The following CBLN2 variants were observed in gnomAD, a reference collection of about 807,000 sequenced individuals.
CBLN2 encodes cerebellin 2 precursor, also known as cerebellin-2.
CBLN2 carries 7 observed loss-of-function variants against 15.0 expected under a neutral mutation model. The ratio of observed to expected loss-of-function variants is 0.47; its 90% confidence interval spans 0.27 to 0.88. CBLN2 has a LOEUF of 0.88. Ranked by LOEUF, CBLN2 falls within the 40% of genes least tolerant of loss-of-function variation. CBLN2 has a pLI of 0.14. For missense variants in CBLN2, 242 were observed against 304.5 expected (o/e 0.79, Z 1.53); for synonymous variants, 149 against 135.2 (o/e 1.10, Z -0.71).
chr18:72,627,220 G>C (rs578206076), intron 1 of CBLN2, among the ~76,000 whole-genome samples: 1 of 152,284 alleles, frequency 6.6e-6, no homozygotes, highest in East Asian at 1.9e-4. Flanking sequence ...ATCAATAGCA[G>C]AATGGATAAA....
chr18:72,546,789 A>G (rs1376772798), upstream of CBLN2, among the ~76,000 whole-genome samples: 1 of 152,196 alleles, frequency 6.6e-6, no homozygotes, highest in Non-Finnish European at 1.5e-5. Context: ...ACATATTCTA[A>G]TATTAGGGAA....
intron 1 of CBLN2, among the ~76,000 whole-genome samples, chr18:72,631,670 A>T (rs1198794616): frequency 6.6e-6 from 1 of 152,108 alleles, no homozygotes; most frequent in African/African-American, 2.4e-5. Context: ...TTAGAATCTC[A>T]GGACCTTTGT....
intron 1 of CBLN2, among the ~76,000 whole-genome samples, chr18:72,637,712 G>A (rs768029985): frequency 2.0e-5 from 3 of 150,088 alleles, no homozygotes; most frequent in Non-Finnish European, 4.5e-5. Flanking sequence ...CAGGCACCAC[G>A]ATTACCCAGA....
At chr18:72,599,365 C>T (rs1239588635) in intron 1 of CBLN2, among the ~76,000 whole-genome samples, 1 of 152,072 alleles carries the variant, frequency 6.6e-6, no homozygotes, top group Non-Finnish European at 1.5e-5. Context: ...GGTGGTAATA[C>T]AAAAATGGAT....
Position 72,558,079 on chromosome 18 carries a change from C to G in CBLN2, c.16-19307G>C, listed in dbSNP as rs753991397. 9.5e-4 allele frequency among the ~76,000 whole-genome samples: 144 copies of G among 152,170 alleles called. 1 individual carries two copies. Among genetic ancestry groups the G allele is most frequent in the East Asian group, 1.6e-3 (8 of 5,158 alleles). On this transcript the variant is annotated intron_variant, in intron 1 of 2. Transcript: ENST00000581073. ...AGCAGAGTCATACAGAGGTGAACAC[C>G]CAGGTCTTCCCTAATGAATGTAGGA... is the stretch of plus-strand genomic sequence containing the variant.
intron 1 of CBLN2, among the ~76,000 whole-genome samples, chr18:72,631,536 T>C (rs563882229): frequency 6.6e-5 from 10 of 152,268 alleles, no homozygotes; most frequent in African/African-American, 2.4e-4. Context: ...AATTGGGTGC[T>C]TGGAAAACAT....
intron 1 of CBLN2, among the ~76,000 whole-genome samples, chr18:72,559,176 G>A (rs1417035895): frequency 1.3e-5 from 2 of 152,244 alleles, no homozygotes; most frequent in Non-Finnish European, 2.9e-5. Context: ...CATCTTTGAT[G>A]TGATTGCTCC....
At chr18:72,636,028 C>T (rs1238995037) in intron 1 of CBLN2, among the ~76,000 whole-genome samples, 4 of 152,112 alleles carry the variant, frequency 2.6e-5, no homozygotes, top group Non-Finnish European at 4.4e-5. Flanking sequence ...TTGATGTTCA[C>T]AGTGAAAAAG....
At chr18:72,606,466 C>T (rs2069584314) in intron 1 of CBLN2, among the ~76,000 whole-genome samples, 1 of 152,172 alleles carries the variant, frequency 6.6e-6, no homozygotes, top group Non-Finnish European at 1.5e-5. Context: ...CATATTTGGG[C>T]ATGTCTGTGT....
At chr18:72,561,197 G>A (rs1318428359) in intron 1 of CBLN2, among the ~76,000 whole-genome samples, 4 of 127,280 alleles carry the variant, frequency 3.1e-5, no homozygotes, top group Admixed American at 8.4e-5. Flanking sequence ...TAAAAAAACA[G>A]TAAACTTGAA....
chr18:72,568,628 TTTC>T (rs2069311819), intron 1 of CBLN2, among the ~76,000 whole-genome samples: 2 of 152,004 alleles, frequency 1.3e-5, no homozygotes, highest in African/African-American at 4.8e-5. Context: ...GTAATAAACA[TTTC>T]TTATTATTGC....
intron 1 of CBLN2, among the ~76,000 whole-genome samples, chr18:72,565,850 G>C (rs999995540): frequency 6.6e-6 from 1 of 152,070 alleles, no homozygotes; most frequent in South Asian, 2.1e-4. Context: ...GCACAGCAGA[G>C]GAAACAATCA....
chr18:72,561,194 A>G (rs1008292043), intron 1 of CBLN2, among the ~76,000 whole-genome samples: 14 of 151,156 alleles, frequency 9.3e-5, no homozygotes, highest in African/African-American at 3.4e-4. Flanking sequence ...AGTTAAAAAA[A>G]CAGTAAACTT....
chr18:72,581,440 A>G (rs1568123264), intron 1 of CBLN2, among the ~76,000 whole-genome samples: 1 of 152,146 alleles, frequency 6.6e-6, no homozygotes, highest in Non-Finnish European at 1.5e-5. Flanking sequence ...AATAAATTTT[A>G]TTACTGTTTA....
At chr18:72,565,208 G>A (rs1027414616) in intron 1 of CBLN2, among the ~76,000 whole-genome samples, 1 of 152,080 alleles carries the variant, frequency 6.6e-6, no homozygotes, top group Admixed American at 6.6e-5. Flanking sequence ...AAAATTCACT[G>A]GTAGAGATAA....
intron 1 of CBLN2, among the ~76,000 whole-genome samples, chr18:72,614,848 C>G (rs553957912): frequency 3.6e-4 from 55 of 151,410 alleles, no homozygotes; most frequent in African/African-American, 1.3e-3. Context: ...GAAGATCTAT[C>G]TTTTCTGGGT....
At chr18:72,556,685 A>G (rs1429062984) in intron 1 of CBLN2, among the ~76,000 whole-genome samples, 4 of 152,162 alleles carry the variant, frequency 2.6e-5, no homozygotes, top group African/African-American at 9.7e-5. Flanking sequence ...TGGTTCTAAG[A>G]CTCAAGGTAA....
intron 1 of CBLN2, among the ~76,000 whole-genome samples, chr18:72,558,360 C>A (rs757180898): frequency 6.6e-6 from 1 of 152,162 alleles, no homozygotes; most frequent in Non-Finnish European, 1.5e-5. Flanking sequence ...ATACTCTGGG[C>A]ACCCGGAAGC....
chr18:72,599,471 ATGACAGTGTCTTAT>A (rs1341771101), intron 1 of CBLN2, among the ~76,000 whole-genome samples: 1 of 152,204 alleles, frequency 6.6e-6, no homozygotes, highest in Non-Finnish European at 1.5e-5. Flanking sequence ...TAATCTTCTT[ATGACAGTGTCTTAT>A]TTTAATTTAG....
Sources: allele counts gnomAD v4.1 joint callset (sites outside exome capture counted in the v4.1 genomes callset), GRCh38; gene constraint gnomAD v4.1.1; transcripts MANE v1.5; gene names NCBI Gene and HGNC (gene_info 2026-07-23, HGNC 2026-07-21).